ZFPM1: variants seen among roughly 807,000 people sequenced by gnomAD.
ZFPM1 encodes zinc finger protein ZFPM1.
Under a neutral mutation model 46.3 loss-of-function variants are expected in ZFPM1, and 28 were observed. That is an observed-to-expected ratio of 0.60 (90% confidence interval 0.45 to 0.83). The LOEUF (loss-of-function observed/expected upper bound fraction) is 0.83, where lower values mean the gene tolerates loss of function less well. Ranked by LOEUF, ZFPM1 falls within the 40% of genes least tolerant of loss-of-function variation. The pLI, the probability that ZFPM1 is intolerant of heterozygous loss-of-function variation, is 0.00. For synonymous variants in ZFPM1, 957 were observed against 675.9 expected (o/e 1.42, Z -6.45); for missense variants, 1,878 against 1,432.4 (o/e 1.31, Z -5.02).
intron 3 of ZFPM1, among the ~76,000 whole-genome samples, chr16:88,490,552 A>T (rs1349596315): frequency 6.6e-6 from 1 of 152,176 alleles, no homozygotes; most frequent in Non-Finnish European, 1.5e-5. Context: ...AGGGGCCAAG[A>T]TGGAAAGGGG....
chr16:88,464,588 A>G (rs958594708), intron 1 of ZFPM1, among the ~76,000 whole-genome samples: 1 of 152,218 alleles, frequency 6.6e-6, no homozygotes, highest in Non-Finnish European at 1.5e-5. Context: ...ATTTTCCCAG[A>G]AAGCAGAGAG....
chr16:88,503,445 G>A (rs914436520), intron 3 of ZFPM1, among the ~76,000 whole-genome samples: 5 of 132,628 alleles, frequency 3.8e-5, no homozygotes, highest in African/African-American at 1.3e-4. Flanking sequence ...GGAGTGGAGG[G>A]ATCTGTGTCT....
intron 3 of ZFPM1, among the ~76,000 whole-genome samples, chr16:88,499,789 C>T (rs904482964): frequency 3.9e-5 from 6 of 152,184 alleles, no homozygotes; most frequent in Admixed American, 3.9e-4. Flanking sequence ...GGGCACAGAG[C>T]CCACAGGCCT....
At chr16:88,457,756 A>G (rs745839229) in intron 1 of ZFPM1, among the ~76,000 whole-genome samples, 1 of 151,912 alleles carries the variant, frequency 6.6e-6, no homozygotes, top group Admixed American at 6.5e-5. Context: ...CTCCCAAAGC[A>G]CTGGGGTTCC....
intron 1 of ZFPM1, among the ~76,000 whole-genome samples, chr16:88,478,452 G>T (rs997952944): frequency 2.0e-5 from 3 of 152,198 alleles, no homozygotes; most frequent in Non-Finnish European, 4.4e-5. Context: ...CAGCGTCTGC[G>T]TCTACACAGC....
chr16:88,502,663 G>A (rs939325304), intron 3 of ZFPM1, among the ~76,000 whole-genome samples: 2 of 152,350 alleles, frequency 1.3e-5, no homozygotes, highest in East Asian at 1.9e-4. Flanking sequence ...CACCCGGTCC[G>A]GGCTGCCCCA....
intron 1 of ZFPM1, among the ~76,000 whole-genome samples, chr16:88,463,424 C>A (rs1320242626): frequency 6.6e-6 from 1 of 152,250 alleles, no homozygotes; most frequent in Non-Finnish European, 1.5e-5. Flanking sequence ...CCGGATGTGA[C>A]CCCAGGACCT....
chr16:88,475,336 C>T (rs1006554884), intron 1 of ZFPM1, among the ~76,000 whole-genome samples: 3 of 152,164 alleles, frequency 2.0e-5, no homozygotes, highest in Non-Finnish European at 4.4e-5. Context: ...GGAGCGCACG[C>T]GATGGGAGGG....
At chr16:88,495,325 A>T (rs1173572104) in intron 3 of ZFPM1, among the ~76,000 whole-genome samples, 2 of 152,172 alleles carry the variant, frequency 1.3e-5, no homozygotes, top group Admixed American at 1.3e-4. Flanking sequence ...GGAGTGTGGA[A>T]TCCCCTCCCC....
At chr16:88,456,263 G>C (rs74032871) in intron 1 of ZFPM1, among the ~76,000 whole-genome samples, 273 of 152,380 alleles carry the variant, frequency 1.8e-3, no homozygotes, top group African/African-American at 6.3e-3. Flanking sequence ...CCGAGTCCTC[G>C]TAGATGGTGC....
chr16:88,468,129 C>A (rs546523371), intron 1 of ZFPM1, among the ~76,000 whole-genome samples: 24 of 144,114 alleles, frequency 1.7e-4, no homozygotes, highest in African/African-American at 5.7e-4. Context: ...CCCTCACGCA[C>A]CCGCGAGCCC....
intron 1 of ZFPM1, among the ~76,000 whole-genome samples, chr16:88,470,112 C>G (rs550815154): frequency 8.5e-5 from 13 of 152,294 alleles, no homozygotes; most frequent in Non-Finnish European, 1.3e-4. Context: ...GAGAAAAAGC[C>G]AGGGCCTCCA....
chr16:88,453,850 C>T (rs1002788744), intron 1 of ZFPM1, among the ~76,000 whole-genome samples, 172 bp downstream of exon 1: 1 of 151,848 alleles, frequency 6.6e-6, no homozygotes, highest in East Asian at 1.9e-4. Flanking sequence ...CCGCCGGCGG[C>T]CTGGGCCCCC....
intron 4 of ZFPM1, among the ~76,000 whole-genome samples, chr16:88,515,164 G>C (rs539557877): frequency 3.9e-5 from 6 of 152,372 alleles, no homozygotes; most frequent in African/African-American, 1.4e-4. Context: ...TCTCAGCTAA[G>C]AAAGGGCACT....
chr16:88,510,202 C>T (rs888771375), intron 3 of ZFPM1, among the ~76,000 whole-genome samples: 2 of 152,150 alleles, frequency 1.3e-5, no homozygotes, highest in Admixed American at 6.5e-5. Flanking sequence ...CACACACAAC[C>T]GCTGGCAAGC....
chr16:88,461,208 C>G (rs114582014), intron 1 of ZFPM1, among the ~76,000 whole-genome samples: 2,196 of 20,944 alleles, frequency 0.1, 85 homozygotes, highest in African/African-American at 0.19. Flanking sequence ...GGTGAGGACC[C>G]AGGGGCGGGA....
intron 3 of ZFPM1, among the ~76,000 whole-genome samples, chr16:88,492,796 T>C (rs1335896701): frequency 1.3e-5 from 2 of 152,072 alleles, no homozygotes; most frequent in Admixed American, 6.5e-5. Context: ...GAGGCACTCA[T>C]GTAACATCAG....
chr16:88,477,077 G>A (rs1421349178), intron 1 of ZFPM1, among the ~76,000 whole-genome samples: 1 of 151,780 alleles, frequency 6.6e-6, no homozygotes, highest in African/African-American at 2.4e-5. Flanking sequence ...CTGAAAGTGA[G>A]TTCTGGTCTC....
intron 4 of ZFPM1, among the ~76,000 whole-genome samples, chr16:88,519,669 G>A (rs1161414088): frequency 4.2e-5 from 6 of 142,448 alleles, no homozygotes; most frequent in African/African-American, 1.3e-4. Context: ...ATGGATGGAT[G>A]GGTGGATGGA....
Sources: allele counts gnomAD v4.1 joint callset (sites outside exome capture counted in the v4.1 genomes callset), GRCh38; gene constraint gnomAD v4.1.1; transcripts MANE v1.5; gene names NCBI Gene and HGNC (gene_info 2026-07-23, HGNC 2026-07-21).